Variants in NAALAD2 observed in about 807,000 individuals in gnomAD.
NAALAD2 encodes the protein N-acetylated alpha-linked acidic dipeptidase 2.
NAALAD2 carries 89 observed loss-of-function variants against 95.6 expected under a neutral mutation model. That is an observed-to-expected ratio of 0.93 (90% CI 0.78 to 1.11). The LOEUF is 1.11. Ranked by LOEUF, NAALAD2 falls within the 50% of genes least tolerant of loss-of-function variation. The pLI is 0.00. For missense variants in NAALAD2, 894 were observed against 872.4 expected (o/e 1.02, Z -0.31); for synonymous variants, 264 against 294.4 (o/e 0.90, Z 1.06).
intron 11 of NAALAD2, among the ~76,000 whole-genome samples, chr11:90,165,283 G>A (rs1364824537): frequency 1.3e-5 from 2 of 152,148 alleles, no homozygotes; most frequent in East Asian, 1.9e-4. Flanking sequence ...ATGAACATAT[G>A]TGTGTATGTG....
intron 18 of NAALAD2, among the ~76,000 whole-genome samples, chr11:90,184,425 C>A (rs1857061609): frequency 6.6e-6 from 1 of 152,000 alleles, no homozygotes; most frequent in Non-Finnish European, 1.5e-5. Flanking sequence ...CAATAAATGG[C>A]AGCTATTTTT....
Position 90,191,951 on chromosome 11 carries a change from A to G in NAALAD2, c.*204A>G. ...ATATTAGCAAAGTGTTAATCTAATG[A>G]AGTAAAAAACTCCTGTGTGGCAGAA... On this transcript the variant is annotated 3_prime_UTR_variant, in exon 19 of 19. Transcript: ENST00000534061. 1 of 330,324 alleles carries G rather than the reference A, an allele frequency of 3.0e-6. No individual in the cohort carries two copies. The allele number at this position is 330,324 out of a possible 1,614,324, so 20.5% of individuals were successfully genotyped here.
At chr11:90,147,583 G>T (rs529677824) in intron 3 of NAALAD2, 67 bp downstream of exon 3, 1 of 1,379,424 alleles carries the variant, frequency 7.2e-7, no homozygotes, top group Non-Finnish European at 9.9e-7. Flanking sequence ...TGTAATGTAG[G>T]GTCAAGTAAA....
intron 13 of NAALAD2, among the ~76,000 whole-genome samples, chr11:90,171,814 G>A (rs1040259266): frequency 8.5e-5 from 13 of 152,132 alleles, no homozygotes; most frequent in Non-Finnish European, 1.8e-4. Context: ...GCCAGATGCA[G>A]CAAGAAATGG....
chr11:90,136,291 T>G (rs1036743726), intron 2 of NAALAD2, among the ~76,000 whole-genome samples: 12 of 152,196 alleles, frequency 7.9e-5, no homozygotes, highest in Admixed American at 7.9e-4. Flanking sequence ...TAAAATCAGC[T>G]TTAGTGAAGT....
chr11:90,149,511 T>G (rs559742620), intron 4 of NAALAD2, among the ~76,000 whole-genome samples: 1 of 152,184 alleles, frequency 6.6e-6, no homozygotes, highest in South Asian at 2.1e-4. Context: ...CTCGGCTCCC[T>G]GCAACCTCTG....
At chr11:90,162,144 A>T (rs1952315599) in intron 8 of NAALAD2, among the ~76,000 whole-genome samples, 1 of 152,128 alleles carries the variant, frequency 6.6e-6, no homozygotes, top group African/African-American at 2.4e-5. Flanking sequence ...AGAATAAATG[A>T]TGATTAATTT....
At chr11:90,174,680 T>A (rs765292645) in intron 14 of NAALAD2, among the ~76,000 whole-genome samples, 83 of 151,842 alleles carry the variant, frequency 5.5e-4, no homozygotes, top group Non-Finnish European at 1.0e-3. Flanking sequence ...TTTTATGTCA[T>A]CTCATTCATG....
At position 90,134,784 on chromosome 11, in the gene NAALAD2, A is replaced by G. The variant is rs982322056; in HGVS notation, c.26A>G (p.Tyr9Cys). 1.4e-5 allele frequency: 22 copies of G among 1,613,886 alleles called. No homozygotes were observed. Among genetic ancestry groups the G allele is most frequent in the Non-Finnish European group, 1.8e-5 (21 of 1,180,030 alleles). ...ATGGCGGAATCCAGGGGCCGTCTGT[A>G]CCTTTGGATGTGCTTGGCTGCTGCG... MAESRGRLYLWMCLAAALA... is the reference protein window; with the variant it reads MAESRGRLCLWMCLAAALA... Residue 9 changes from tyrosine (Y) to cysteine (C), a missense_variant, in exon 1 of 19, where the codon TAC becomes TGC. By Grantham distance (194) the Tyr-to-Cys change is radical. Transcript: ENST00000534061.
chr11:90,154,065 C>CTCTT (rs138682111), intron 6 of NAALAD2, among the ~76,000 whole-genome samples: 2 of 151,512 alleles, frequency 1.3e-5, no homozygotes, highest in South Asian at 2.1e-4. Context: ...GTCTCTCTCT[C>CTCTT]TCTTTCTTTC....
At chr11:90,177,738 C>A in intron 15 of NAALAD2, 115 bp from the exon 16 acceptor site, 2 of 1,071,632 alleles carry the variant, frequency 1.9e-6, no homozygotes, top group Non-Finnish European at 2.6e-6. Context: ...CAGATGTGAG[C>A]CACCATGACT....
chr11:90,163,706 A>G, intron 11 of NAALAD2, 89 bp downstream of exon 11: 1 of 1,148,112 alleles, frequency 8.7e-7, no homozygotes, highest in South Asian at 1.3e-5. Context: ...AATATATTCC[A>G]TTACCTAATA....
At chr11:90,151,330 C>A (rs1413182582) in intron 5 of NAALAD2, among the ~76,000 whole-genome samples, 1 of 152,046 alleles carries the variant, frequency 6.6e-6, no homozygotes, top group East Asian at 1.9e-4. Flanking sequence ...TATATAACTG[C>A]TTATTAATTA....
At chr11:90,167,133 C>A (rs570269299) in intron 11 of NAALAD2, among the ~76,000 whole-genome samples, 1 of 152,180 alleles carries the variant, frequency 6.6e-6, no homozygotes, top group Non-Finnish European at 1.5e-5. Context: ...TGTGGGAGCC[C>A]CTTTCTGGGC....
rs1393934080 is a variant in NAALAD2 at position 90,163,442 on chromosome 11, T to C, written c.1195+13T>C. ...CTGATGAGTAAAGGTAAACAACCTT[T>C]CTTTCCTAGGTGATGACAAAAAGTG... On this transcript the variant is annotated intron_variant, in intron 10 of 18. Transcript: ENST00000534061. 1.2e-6 allele frequency: 2 copies of C among 1,613,884 alleles called. No homozygotes were observed. The highest frequency in any genetic ancestry group is 4.5e-5 in the East Asian group (2 of 44,864).
rs147764791 is a variant in NAALAD2 at position 90,177,909 on chromosome 11, A to G, written c.1650A>G (p.Glu550=). The change falls in exon 16 of 19, where the codon GAA becomes GAG. Residue 550 remains glutamate, a synonymous_variant. Coordinates refer to ENST00000534061, the MANE Select transcript of NAALAD2 (RefSeq NM_005467.4). ...PVYHTIYETF[E]LVEKFYDPTF... ...ACCACACAATTTATGAGACATTTGA[A>G]TTGGTAGAGAAATTTTATGACCCCA... 272 of 1,613,760 alleles carry G rather than the reference A, an allele frequency of 1.7e-4. 1 individual carries two copies. The African/African-American group carries it at 2.9e-3, about 17-fold the overall frequency.
intron 14 of NAALAD2, among the ~76,000 whole-genome samples, chr11:90,175,656 A>G (rs1591016030): frequency 6.6e-6 from 1 of 152,184 alleles, no homozygotes; most frequent in South Asian, 2.1e-4. Context: ...TGCTGAAGAT[A>G]TGATGGAGAG....
At chr11:90,151,921 T>C (rs1951897966) in intron 5 of NAALAD2, among the ~76,000 whole-genome samples, 1 of 152,176 alleles carries the variant, frequency 6.6e-6, no homozygotes, top group East Asian at 1.9e-4. Context: ...TAAGAACACA[T>C]GGTTCAAGTT....
upstream of NAALAD2, chr11:90,131,907 A>G (rs767572024): frequency 6.6e-6 from 1 of 152,186 alleles, no homozygotes; most frequent in African/African-American, 2.4e-5. Flanking sequence ...TCAATACTCA[A>G]AGTTTTTATA....
Sources: allele counts gnomAD v4.1 joint callset (sites outside exome capture counted in the v4.1 genomes callset), GRCh38; gene constraint gnomAD v4.1.1; transcripts MANE v1.5; gene names NCBI Gene and HGNC (gene_info 2026-07-23, HGNC 2026-07-21).